The following DNAH9 variants were observed in gnomAD, a reference collection of about 807,000 sequenced individuals.
The protein encoded by DNAH9 is dynein axonemal heavy chain 9, also known as DNAH9 variant protein.
Under a neutral mutation model 471.6 loss-of-function variants are expected in DNAH9, and 345 were observed. The ratio of observed to expected loss-of-function variants is 0.73; its 90% CI spans 0.67 to 0.80. The LOEUF is 0.80. Among genes scored for constraint, DNAH9 ranks in the 30% least tolerant of loss-of-function variants. The pLI, the probability that DNAH9 is intolerant of heterozygous loss-of-function variation, is 0.00. For missense variants in DNAH9, 5,407 were observed against 5,609.2 expected (o/e 0.96, Z 1.15); for synonymous variants, 2,093 against 2,123.6 (o/e 0.99, Z 0.40).
At chr17:11,769,023 T>A in intron 37 of DNAH9, 99 bp from the exon 38 acceptor site, 2 of 1,271,050 alleles carry the variant, frequency 1.6e-6, no homozygotes, top group Non-Finnish European at 2.3e-6. Context: ...AGCTCCATCG[T>A]GACGGAATCC....
chr17:11,897,657 G>A, intron 59 of DNAH9, among the ~76,000 whole-genome samples: 1 of 152,208 alleles, frequency 6.6e-6, no homozygotes, highest in East Asian at 1.9e-4. Flanking sequence ...GACATCCCTG[G>A]ATTCAACTTC....
chr17:11,607,055 G>A (rs16945064), intron 1 of DNAH9, among the ~76,000 whole-genome samples: 1,835 of 152,210 alleles, frequency 0.012, 46 homozygotes, highest in African/African-American at 0.043. Context: ...ATAACCTAAC[G>A]TTCACCCTAA....
Position 11,694,454 on chromosome 17 carries a change from T to C in DNAH9, c.4872+7T>C. On this transcript the variant is annotated splice_region_variant and intron_variant, in intron 22 of 68. Coordinates refer to ENST00000262442, the MANE Select transcript of DNAH9 (RefSeq NM_001372.4). ...CGGCACAGCTCCACAACAGGTAAGC[T>C]GGAGGAGCATCTGCAGAAAGGTCTA... 1 of 1,613,182 alleles carries C rather than the reference T, an allele frequency of 6.2e-7. No homozygotes were observed. Among genetic ancestry groups the C allele is most frequent in the Non-Finnish European group, 8.5e-7 (1 of 1,179,808 alleles).
intron 66 of DNAH9, among the ~76,000 whole-genome samples, chr17:11,941,111 CATA>C (rs1219010567): frequency 1.3e-5 from 2 of 152,128 alleles, no homozygotes; most frequent in African/African-American, 4.8e-5. Flanking sequence ...TCCTGGGAAA[CATA>C]ATCTGATTGG....
chr17:11,641,421 A>G (rs940018811), intron 10 of DNAH9, among the ~76,000 whole-genome samples: 1 of 152,164 alleles, frequency 6.6e-6, no homozygotes, highest in African/African-American at 2.4e-5. Flanking sequence ...CCTGTGAGGC[A>G]GGTCTGCCCA....
chr17:11,614,828 TC>T (rs1235661090), intron 4 of DNAH9, among the ~76,000 whole-genome samples: 1 of 152,194 alleles, frequency 6.6e-6, no homozygotes, highest in African/African-American at 2.4e-5. Flanking sequence ...AGGGCCTTAA[TC>T]CCATTCATGA....
chr17:11,945,755 CAT>C (rs36001958), intron 67 of DNAH9, among the ~76,000 whole-genome samples: 26,578 of 151,744 alleles, frequency 0.18, 2,379 homozygotes, highest in Admixed American at 0.21. Flanking sequence ...GCAATATACA[CAT>C]GTGAGAAAGC....
At position 11,937,916 on chromosome 17, in the gene DNAH9, C is replaced by T. The variant is rs948542370; in HGVS notation, c.12660+394C>T. On this transcript the variant is annotated intron_variant, in intron 66 of 68. Coordinates refer to ENST00000262442, the MANE Select transcript of DNAH9 (RefSeq NM_001372.4). The surrounding 1 kb of genome is among the most constrained non-coding windows in gnomAD (Gnocchi z 4.1). ...GGGTAAGGGGTTGCCCCTGAGCACC[C>T]CCACCTCAGTTCACCAACCAGATGC... 1.3e-5 allele frequency among the ~76,000 whole-genome samples: 2 copies of T among 152,174 alleles called. No individual in the cohort carries two copies. Among genetic ancestry groups the T allele is most frequent in the Non-Finnish European group, 2.9e-5 (2 of 68,024 alleles).
chr17:11,689,430 A>T (rs1448018081), intron 19 of DNAH9, 136 bp from the exon 20 acceptor site: 2 of 746,048 alleles, frequency 2.7e-6, no homozygotes, highest in Non-Finnish European at 4.4e-6. Context: ...TCGTGAAAAG[A>T]ATGTTTTTGG....
At chr17:11,784,182 G>T in intron 40 of DNAH9, 118 bp from the exon 41 acceptor site, 1 of 1,508,810 alleles carries the variant, frequency 6.6e-7, no homozygotes. Flanking sequence ...GTGAGAGATG[G>T]GACCAAAATA....
intron 28 of DNAH9, among the ~76,000 whole-genome samples, chr17:11,730,906 A>G (rs910563640): frequency 2.7e-5 from 4 of 150,386 alleles, no homozygotes; most frequent in Non-Finnish European, 4.4e-5. Context: ...GATAATGGTG[A>G]TGGTGGTAAT....
At chr17:11,816,967 G>A (rs2150934940) in intron 45 of DNAH9, among the ~76,000 whole-genome samples, 1 of 152,170 alleles carries the variant, frequency 6.6e-6, no homozygotes, top group East Asian at 1.9e-4. Context: ...GCTGAGGCAG[G>A]AGAATGGCGT....
intron 57 of DNAH9, among the ~76,000 whole-genome samples, chr17:11,890,204 C>T (rs184886121): frequency 2.0e-5 from 3 of 152,128 alleles, no homozygotes; most frequent in East Asian, 3.9e-4. Context: ...GAAAGCTCTC[C>T]ACTCTGTCTC....
At position 11,658,006 on chromosome 17, in the gene DNAH9, T is replaced by C. The variant is rs981431465; in HGVS notation, c.2595+5004T>C. Among the ~76,000 whole-genome samples the C allele has an allele frequency of 4.6e-5, 7 of 152,196 alleles. No individual in the cohort carries two copies. In the South Asian group the frequency reaches 1.0e-3, roughly 23 times the overall value. On this transcript the variant is annotated intron_variant, in intron 14 of 68. Transcript: ENST00000262442. Reference sequence around the variant, plus strand: ...GTCATTTTGACTAGTATAAGTTCTTTACATATCCACATAAGTTTTAGATTC... The same window carrying C: ...GTCATTTTGACTAGTATAAGTTCTTCACATATCCACATAAGTTTTAGATTC...
intron 63 of DNAH9, among the ~76,000 whole-genome samples, 175 bp from the exon 64 acceptor site, chr17:11,931,839 A>T (rs1481087839): frequency 6.6e-6 from 1 of 152,194 alleles, no homozygotes; most frequent in East Asian, 1.9e-4. Flanking sequence ...TTCAATGCTC[A>T]GCTAACCTGA....
At chr17:11,927,707 G>C (rs1259521381) in intron 62 of DNAH9, among the ~76,000 whole-genome samples, 1 of 152,094 alleles carries the variant, frequency 6.6e-6, no homozygotes, top group African/African-American at 2.4e-5. Flanking sequence ...CTCTGGTCCT[G>C]GGTGAGAAAG....
chr17:11,960,244 T>G (rs991757291), intron 67 of DNAH9, among the ~76,000 whole-genome samples: 4 of 151,876 alleles, frequency 2.6e-5, no homozygotes, highest in Non-Finnish European at 4.4e-5. Flanking sequence ...GAGACCAGCA[T>G]GGCCAACATG....
At position 11,902,234 on chromosome 17, in the gene DNAH9, C is replaced by G. The variant is rs537134652; in HGVS notation, c.11407-485C>G. On this transcript the variant is annotated intron_variant, in intron 59 of 68. Coordinates refer to ENST00000262442, the MANE Select transcript of DNAH9 (RefSeq NM_001372.4). ...CCAAGTTATACATTTGGACTGAATC[C>G]TCATAGAAATAGACAACCCATGGGC... Among the ~76,000 whole-genome samples the G allele has an allele frequency of 1.1e-4, 16 of 152,238 alleles. No homozygotes were observed. In the East Asian group the frequency reaches 2.9e-3, roughly 28 times the overall value.
intron 20 of DNAH9, 27 bp from the exon 21 acceptor site, chr17:11,693,841 T>G (rs1597487746): frequency 1.2e-6 from 2 of 1,613,934 alleles, no homozygotes; most frequent in Non-Finnish European, 8.5e-7. Context: ...GAGTGGTGGT[T>G]AATTGCTTCC....
Sources: allele counts gnomAD v4.1 joint callset (sites outside exome capture counted in the v4.1 genomes callset), GRCh38; gene constraint gnomAD v4.1.1; non-coding constraint Gnocchi (gnomAD v3.1); transcripts MANE v1.5; gene names NCBI Gene and HGNC (gene_info 2026-07-23, HGNC 2026-07-21).